CDH12: variants seen among roughly 807,000 people sequenced by gnomAD.
CDH12 encodes cadherin-12.
Under a neutral mutation model 74.1 loss-of-function variants are expected in CDH12, and 41 were observed. The ratio of observed to expected loss-of-function variants is 0.55; its 90% confidence interval spans 0.43 to 0.72. The LOEUF is 0.72. Among genes scored for constraint, CDH12 ranks in the 30% least tolerant of loss-of-function variants. The pLI, the probability that CDH12 is intolerant of heterozygous loss-of-function variation, is 0.00. For missense variants in CDH12, 945 were observed against 977.2 expected (o/e 0.97, Z 0.44); for synonymous variants, 399 against 355.0 (o/e 1.12, Z -1.39).
In CDH12 at chr5:22,255,475, G is replaced by A. The variant is rs565619582; in HGVS notation, c.-332-42832C>T. ...TTTTTGTTACATCATTAGCCATGTGGCTCTTATTTCAGAAGTAAAAATTAT... is the reference window on the plus strand; with the variant it reads ...TTTTTGTTACATCATTAGCCATGTGACTCTTATTTCAGAAGTAAAAATTAT... On this transcript the variant is annotated intron_variant, in intron 3 of 14. Transcript: ENST00000382254. Among the ~76,000 whole-genome samples, 4 of 151,578 alleles carry A rather than the reference G, an allele frequency of 2.6e-5. No homozygotes were observed. The South Asian group carries it at 8.3e-4, about 32-fold the overall frequency.
chr5:22,318,661 G>A (rs1332933042), intron 3 of CDH12, among the ~76,000 whole-genome samples: 1 of 152,176 alleles, frequency 6.6e-6, no homozygotes, highest in Non-Finnish European at 1.5e-5. Flanking sequence ...GCACTAAGGG[G>A]AGATTTTCTT....
chr5:22,142,175 GCATTCTAAAGTTGAATATAAA>G (rs1352809559), intron 4 of CDH12, among the ~76,000 whole-genome samples: 3 of 152,070 alleles, frequency 2.0e-5, no homozygotes, highest in Non-Finnish European at 4.4e-5. Flanking sequence ...GACAGGTCTG[GCATTCTAAAGTTGAATATAAA>G]CAGAAGATAT....
intron 4 of CDH12, among the ~76,000 whole-genome samples, chr5:22,141,709 T>C (rs1489501125): frequency 6.6e-6 from 1 of 152,094 alleles, no homozygotes; most frequent in Non-Finnish European, 1.5e-5. Context: ...AATTGAAAAA[T>C]ATTTTGGAGT....
chr5:22,685,552 A>T (rs1741739769), intron 1 of CDH12, among the ~76,000 whole-genome samples: 1 of 152,090 alleles, frequency 6.6e-6, no homozygotes. Context: ...CCATACTCTT[A>T]ATCCACACCT....
chr5:22,483,181 CTA>C (rs1435866648), intron 2 of CDH12, among the ~76,000 whole-genome samples: 2 of 152,036 alleles, frequency 1.3e-5, no homozygotes, highest in African/African-American at 4.8e-5. Flanking sequence ...ACTTTTGAGA[CTA>C]TGTCATGTCA....
rs142444712 is a variant in CDH12, at chr5:22,696,888, G to T, written c.-523+156170C>A. On this transcript the variant is annotated intron_variant, in intron 1 of 14. Transcript: ENST00000382254. Reference sequence around the variant, plus strand: ...CATTTCTATTGAAACAATTAAGCTAGCAGGAAAGCCTAGAGGCCAGAACCT... The same window carrying T: ...CATTTCTATTGAAACAATTAAGCTATCAGGAAAGCCTAGAGGCCAGAACCT... 2.3e-3 allele frequency among the ~76,000 whole-genome samples: 353 copies of T among 152,028 alleles called. 4 individuals are homozygous for T. In the Middle Eastern group the frequency reaches 0.051, roughly 22 times the overall value.
chr5:22,549,125 T>TG (rs1298063282), intron 1 of CDH12, among the ~76,000 whole-genome samples: 2 of 138,876 alleles, frequency 1.4e-5, no homozygotes, highest in African/African-American at 2.7e-5. Context: ...TTTGTTTATT[T>TG]GTTTTTTTTT....
At chr5:22,842,078 T>C (rs1451899317) in intron 1 of CDH12, among the ~76,000 whole-genome samples, 4 of 152,160 alleles carry the variant, frequency 2.6e-5, no homozygotes, top group East Asian at 1.9e-4. Flanking sequence ...CAGGTTATAT[T>C]TGAAAACTTT....
intron 4 of CDH12, among the ~76,000 whole-genome samples, chr5:22,088,638 G>A (rs1434420452): frequency 1.3e-5 from 2 of 152,104 alleles, no homozygotes; most frequent in African/African-American, 2.4e-5. Context: ...GGGCTCTACA[G>A]CTTTGTCTCA....
At chr5:21,989,245 C>T (rs1241436884) in intron 5 of CDH12, among the ~76,000 whole-genome samples, 31 of 152,228 alleles carry the variant, frequency 2.0e-4, no homozygotes, top group Admixed American at 9.8e-4. Context: ...TGCCTAAATA[C>T]GTTTTAAGAA....
intron 11 of CDH12, among the ~76,000 whole-genome samples, chr5:21,778,466 C>CAAAAAAAAAAAAAAAAAAAAAAAA (rs70957061): frequency 1.9e-5 from 1 of 52,614 alleles, no homozygotes; most frequent in Non-Finnish European, 3.1e-5. Flanking sequence ...GCATATAAGC[C>CAAAAAAAAAAAAAAAAAAAAAAAA]AAAAAAAAAA....
chr5:21,935,030 C>A (rs997316117), intron 6 of CDH12, among the ~76,000 whole-genome samples: 4 of 152,168 alleles, frequency 2.6e-5, no homozygotes, highest in Admixed American at 2.6e-4. Context: ...TCGTGATCCG[C>A]CCACCTCGGC....
intron 1 of CDH12, among the ~76,000 whole-genome samples, chr5:22,792,580 C>T (rs1195137124): frequency 6.6e-6 from 1 of 152,158 alleles, no homozygotes; most frequent in Non-Finnish European, 1.5e-5. Context: ...GTGGTCATCA[C>T]TATGTTATAA....
intron 1 of CDH12, among the ~76,000 whole-genome samples, chr5:22,852,789 T>C (rs557156870): frequency 2.6e-5 from 4 of 152,342 alleles, no homozygotes; most frequent in African/African-American, 9.6e-5. Flanking sequence ...CATGCTAAGA[T>C]GCATTTGAGG....
intron 1 of CDH12, among the ~76,000 whole-genome samples, chr5:22,744,818 A>G (rs1367966674): frequency 6.6e-6 from 1 of 152,086 alleles, no homozygotes; most frequent in Non-Finnish European, 1.5e-5. Flanking sequence ...CTTTATCATG[A>G]TAGAGTGCCC....
At chr5:22,587,817 A>C (rs1207478324) in intron 1 of CDH12, among the ~76,000 whole-genome samples, 2 of 151,306 alleles carry the variant, frequency 1.3e-5, no homozygotes, top group East Asian at 3.9e-4. Flanking sequence ...ATAGATACTA[A>C]AGCATTTTAT....
intron 1 of CDH12, among the ~76,000 whole-genome samples, chr5:22,801,679 ATATATAC>A (rs2126419073): frequency 2.2e-5 from 2 of 91,530 alleles, no homozygotes; most frequent in East Asian, 3.5e-4. Context: ...ATATATATAT[ATATATAC>A]ACTTTGTTTA....
intron 8 of CDH12, among the ~76,000 whole-genome samples, chr5:21,823,116 C>A (rs1748463643): frequency 6.6e-6 from 1 of 151,982 alleles, no homozygotes; most frequent in Admixed American, 6.6e-5. Context: ...AAGTGTTTTT[C>A]TTGATGGCAT....
Position 21,945,749 on chromosome 5 carries a change from T to G in CDH12, c.526+29342A>C, listed in dbSNP as rs2910503. On this transcript the variant is annotated intron_variant, in intron 6 of 14. Transcript: ENST00000382254. ...ACTGTCTGAACAAGAAGAAGAAAAC[T>G]GATAAAAAAAAAATTTAACAGCATT... 2.0e-4 allele frequency among the ~76,000 whole-genome samples: 29 copies of G among 142,728 alleles called. 1 individual carries two copies. The East Asian group carries it at 5.6e-3, about 27-fold the overall frequency. 93.6% of individuals were successfully genotyped at this position (142,728 alleles called of 152,430 possible). A position where few individuals can be genotyped will look rare whatever the true frequency, so the allele number is the denominator to read the frequency against.
Sources: allele counts gnomAD v4.1 joint callset (sites outside exome capture counted in the v4.1 genomes callset), GRCh38; gene constraint gnomAD v4.1.1; transcripts MANE v1.5; gene names NCBI Gene and HGNC (gene_info 2026-07-23, HGNC 2026-07-21).